The following ARMC9 variants were observed in gnomAD, a reference collection of about 807,000 sequenced individuals.
ARMC9 encodes armadillo repeat containing 9, also known as lisH domain-containing protein ARMC9.
Under a neutral mutation model 107.0 loss-of-function variants are expected in ARMC9, and 94 were observed. The ratio of observed to expected loss-of-function variants is 0.88; its 90% CI spans 0.74 to 1.04. ARMC9 has a LOEUF of 1.04. Among genes scored for constraint, ARMC9 ranks in the 50% least tolerant of loss-of-function variants. The pLI is 0.00. For synonymous variants in ARMC9, 380 were observed against 396.9 expected (o/e 0.96, Z 0.51); for missense variants, 942 against 1,030.1 (o/e 0.91, Z 1.17).
intron 5 of ARMC9, among the ~76,000 whole-genome samples, chr2:231,217,214 C>CT (rs2033607073): frequency 6.6e-6 from 1 of 152,170 alleles, no homozygotes; most frequent in Non-Finnish European, 1.5e-5. Flanking sequence ...AGAGGACATG[C>CT]TATGTGATTC....
intron 19 of ARMC9, among the ~76,000 whole-genome samples, chr2:231,301,027 T>A (rs1447019684): frequency 6.6e-6 from 1 of 152,196 alleles, no homozygotes. Flanking sequence ...TGATCTAGTG[T>A]GTGCATGCGC....
intron 19 of ARMC9, among the ~76,000 whole-genome samples, chr2:231,327,794 G>GT (rs1034263746): frequency 7.3e-5 from 11 of 151,516 alleles, no homozygotes; most frequent in Non-Finnish European, 1.5e-4. Context: ...TGTTTTTTTG[G>GT]TTTTTTTTGA....
intron 11 of ARMC9, among the ~76,000 whole-genome samples, chr2:231,261,771 G>T (rs970661925): frequency 6.6e-6 from 1 of 151,930 alleles, no homozygotes; most frequent in African/African-American, 2.4e-5. Flanking sequence ...CACTTCTCTG[G>T]AGAGTTCACA....
intron 12 of ARMC9, among the ~76,000 whole-genome samples, chr2:231,266,238 A>G (rs2038850871): frequency 6.6e-6 from 1 of 152,226 alleles, no homozygotes; most frequent in African/African-American, 2.4e-5. Context: ...GGTCCCACCA[A>G]CAGTTTCCAT....
At chr2:231,368,568 C>G (rs1440789407) in intron 23 of ARMC9, among the ~76,000 whole-genome samples, 3 of 152,124 alleles carry the variant, frequency 2.0e-5, no homozygotes, top group East Asian at 3.8e-4. Flanking sequence ...GCAACAATGT[C>G]ACATAGGCAA....
At position 231,215,000 on chromosome 2, in the gene ARMC9, C is replaced by G. The variant is rs762171690; in HGVS notation, c.347C>G (p.Pro116Arg). Residue 116 changes from proline to arginine, a missense_variant and splice_region_variant, in exon 4 of 25, where the codon CCG (proline) becomes CGG (arginine). Coordinates refer to ENST00000611582, the MANE Select transcript of ARMC9 (RefSeq NM_001352754.2). ...CTTTTGAAGTACTCTGTGGGGAGAC[C>G]GGTGGGTTTACCTGGTGATGCGGGT... ...IYLLKYSVGR[P>R]DKEELDEKIS... 5 of 1,613,784 alleles carry G rather than the reference C, an allele frequency of 3.1e-6. No homozygotes were observed. The highest frequency in any genetic ancestry group is 1.1e-5 in the South Asian group (1 of 91,046).
intron 9 of ARMC9, chr2:231,256,071 C>T (rs1044936533): frequency 3.9e-6 from 6 of 1,537,696 alleles, no homozygotes; most frequent in African/African-American, 2.8e-5. Context: ...ACCGCCTCTC[C>T]GCCAGACCGC....
chr2:231,310,987 T>C (rs2042314115), intron 19 of ARMC9, among the ~76,000 whole-genome samples: 1 of 151,730 alleles, frequency 6.6e-6, no homozygotes, highest in Admixed American at 6.6e-5. Context: ...ATTAGCTAAG[T>C]GTGCTTGTGC....
chr2:231,217,509 G>A (rs2033643470), intron 5 of ARMC9, among the ~76,000 whole-genome samples: 1 of 151,124 alleles, frequency 6.6e-6, no homozygotes, highest in African/African-American at 2.4e-5. Context: ...GGTGAAGGTT[G>A]CAGTGAACCA....
intron 9 of ARMC9, among the ~76,000 whole-genome samples, chr2:231,244,045 G>A (rs535653927): frequency 3.3e-5 from 5 of 152,276 alleles, no homozygotes; most frequent in Non-Finnish European, 4.4e-5. Context: ...GGGTCAGCTC[G>A]CCGTCAGGTG....
At chr2:231,259,174 T>G (rs2038110792) in intron 11 of ARMC9, 72 bp downstream of exon 11, 2 of 1,290,562 alleles carry the variant, frequency 1.5e-6, no homozygotes, top group Non-Finnish European at 2.2e-6. Flanking sequence ...GCTACCTTGC[T>G]TATATCTTTT....
chr2:231,324,164 GT>G (rs776836189), intron 19 of ARMC9, among the ~76,000 whole-genome samples: 2 of 102,972 alleles, frequency 1.9e-5, no homozygotes, highest in Non-Finnish European at 3.5e-5. Flanking sequence ...GTCTTGCTCT[GT>G]TGCCCAGGCT....
intron 8 of ARMC9, among the ~76,000 whole-genome samples, chr2:231,236,163 A>G (rs1460309872): frequency 6.6e-6 from 1 of 152,224 alleles, no homozygotes; most frequent in Non-Finnish European, 1.5e-5. Flanking sequence ...AATGAGGGGC[A>G]CGTGCCCTGC....
At chr2:231,220,041 T>C (rs891299510) in intron 5 of ARMC9, among the ~76,000 whole-genome samples, 1 of 152,134 alleles carries the variant, frequency 6.6e-6, no homozygotes, top group African/African-American at 2.4e-5. Flanking sequence ...GTGCAAATCA[T>C]TGTGCTCGCC....
intron 19 of ARMC9, among the ~76,000 whole-genome samples, chr2:231,320,744 T>C (rs920516549): frequency 1.3e-5 from 2 of 152,156 alleles, no homozygotes; most frequent in African/African-American, 4.8e-5. Flanking sequence ...GCAGGTGAGC[T>C]GATGGTCACA....
chr2:231,227,769 T>C (rs1265630545), intron 7 of ARMC9, among the ~76,000 whole-genome samples: 1 of 152,248 alleles, frequency 6.6e-6, no homozygotes, highest in Non-Finnish European at 1.5e-5. Flanking sequence ...TTTGGCAGCG[T>C]CAGCCTTTGA....
In ARMC9 at chr2:231,240,028, C is replaced by T. The variant is rs1406197536; in HGVS notation, c.866C>T (p.Thr289Met). Residue 289 changes from threonine (T) to methionine (M), a missense_variant, in exon 9 of 25, where the codon ACG becomes ATG. Physicochemically the swap from Thr to Met is moderately conservative, Grantham distance 81. Transcript: ENST00000611582. ...RQSLAHSVDF[T>M]RPGTASTMLR... ...AGCCTGGCGCATAGTGTGGACTTCA[C>T]GAGGCCTGGGACGGTGAGGCTCTGC... The T allele has an allele frequency of 5.0e-6, 8 of 1,613,412 alleles. No homozygotes were observed. Among genetic ancestry groups the T allele is most frequent in the South Asian group, 2.2e-5 (2 of 90,854 alleles).
At chr2:231,200,974 A>G (rs567214873) in intron 1 of ARMC9, among the ~76,000 whole-genome samples, 6 of 152,338 alleles carry the variant, frequency 3.9e-5, no homozygotes, top group South Asian at 4.1e-4. Flanking sequence ...GCATACATCA[A>G]CCACAGGCTT....
intron 21 of ARMC9, among the ~76,000 whole-genome samples, chr2:231,351,148 G>A (rs148393906): frequency 0.078 from 11,418 of 146,124 alleles, 1,367 homozygotes; most frequent in African/African-American, 0.26. Context: ...TAGTAGAGAC[G>A]GGGTTTCACT....
Sources: allele counts gnomAD v4.1 joint callset (sites outside exome capture counted in the v4.1 genomes callset), GRCh38; gene constraint gnomAD v4.1.1; transcripts MANE v1.5; gene names NCBI Gene and HGNC (gene_info 2026-07-23, HGNC 2026-07-21).